Variants in TBC1D5 observed in about 807,000 individuals in gnomAD.
TBC1D5 encodes the protein TBC1 domain family member 5.
TBC1D5 carries 75 observed loss-of-function variants against 100.3 expected under a neutral mutation model. The observed-to-expected ratio is 0.75, with a 90% CI of 0.62 to 0.91. The LOEUF (loss-of-function observed/expected upper bound fraction) is 0.91. Among genes scored for constraint, TBC1D5 ranks in the 40% least tolerant of loss-of-function variants. TBC1D5 has a pLI of 0.00. For missense variants in TBC1D5, 910 were observed against 942.4 expected, an observed-to-expected ratio of 0.97 and a Z score of 0.45; for synonymous variants, 323 against 325.6, an observed-to-expected ratio of 0.99 and a Z score of 0.09.
At chr3:17,254,727 G>C (rs996465767) in intron 16 of TBC1D5, among the ~76,000 whole-genome samples, 1 of 129,304 alleles carries the variant, frequency 7.7e-6, no homozygotes, top group Non-Finnish European at 1.6e-5. Context: ...TCCCGTATAA[G>C]AAATCTTTGC....
intron 4 of TBC1D5, among the ~76,000 whole-genome samples, chr3:17,406,871 G>C (rs1205282689): frequency 6.6e-6 from 1 of 151,900 alleles, no homozygotes; most frequent in Admixed American, 6.6e-5. Flanking sequence ...AAACATACCT[G>C]CTCCAAAAAT....
At chr3:17,313,297 T>C (rs1345384093) in intron 13 of TBC1D5, among the ~76,000 whole-genome samples, 1 of 152,314 alleles carries the variant, frequency 6.6e-6, no homozygotes, top group East Asian at 1.9e-4. Context: ...GCCACTGCTG[T>C]GTATGAATTA....
At chr3:17,379,986 AACTAC>A (rs2092870402) in intron 9 of TBC1D5, among the ~76,000 whole-genome samples, 2 of 151,594 alleles carry the variant, frequency 1.3e-5, no homozygotes, top group Admixed American at 1.3e-4. Flanking sequence ...GGTAAGGGCG[AACTAC>A]TGTACTGTAC....
chr3:17,420,282 G>A (rs779907296), intron 4 of TBC1D5, among the ~76,000 whole-genome samples: 5 of 151,490 alleles, frequency 3.3e-5, no homozygotes, highest in Non-Finnish European at 7.4e-5. Flanking sequence ...AAATAAAATG[G>A]GGAAATATAA....
intron 4 of TBC1D5, among the ~76,000 whole-genome samples, chr3:17,424,156 A>G (rs1332663095): frequency 6.6e-6 from 1 of 152,226 alleles, no homozygotes; most frequent in Middle Eastern, 3.2e-3. Context: ...TAATAAAACA[A>G]AAGTTTTTAA....
intron 16 of TBC1D5, among the ~76,000 whole-genome samples, chr3:17,239,661 C>G (rs1559471408): frequency 6.6e-6 from 1 of 152,022 alleles, no homozygotes; most frequent in Non-Finnish European, 1.5e-5. Flanking sequence ...CAGCAGCTAT[C>G]AACTCTCTTA....
At chr3:17,272,633 A>G (rs1215355296) in intron 15 of TBC1D5, among the ~76,000 whole-genome samples, 2 of 152,216 alleles carry the variant, frequency 1.3e-5, no homozygotes, top group Non-Finnish European at 2.9e-5. Flanking sequence ...TAGTTTGGCC[A>G]AAGTTATATG....
intron 9 of TBC1D5, among the ~76,000 whole-genome samples, chr3:17,378,266 T>C (rs1239950400): frequency 1.3e-5 from 2 of 151,864 alleles, no homozygotes; most frequent in Non-Finnish European, 2.9e-5. Context: ...GGAAGTAGAA[T>C]TTCAGGGTAA....
intron 1 of TBC1D5, among the ~76,000 whole-genome samples, chr3:17,736,892 A>AG (rs2077003203): frequency 6.6e-6 from 1 of 152,182 alleles, no homozygotes; most frequent in Admixed American, 6.5e-5. Context: ...ATGTACCTAT[A>AG]GTCCCAGCCA....
intron 19 of TBC1D5, among the ~76,000 whole-genome samples, chr3:17,177,251 T>C (rs1349471718): frequency 6.6e-6 from 1 of 152,204 alleles, no homozygotes; most frequent in African/African-American, 2.4e-5. Context: ...ATTGGAGTGG[T>C]GGCATCCTGG....
intron 2 of TBC1D5, among the ~76,000 whole-genome samples, chr3:17,590,123 A>G (rs555340206): frequency 3.3e-5 from 5 of 152,316 alleles, no homozygotes; most frequent in African/African-American, 1.2e-4. Flanking sequence ...CGGGCCCCAG[A>G]GGTGAGGTTG....
intron 13 of TBC1D5, among the ~76,000 whole-genome samples, chr3:17,352,871 A>G (rs1026657107): frequency 2.6e-5 from 4 of 152,050 alleles, no homozygotes; most frequent in African/African-American, 9.7e-5. Flanking sequence ...CTGAGAGCTA[A>G]TACCACTCAA....
At chr3:17,515,647 C>T (rs1170056432) in intron 2 of TBC1D5, among the ~76,000 whole-genome samples, 2 of 152,132 alleles carry the variant, frequency 1.3e-5, no homozygotes, top group Admixed American at 6.5e-5. Flanking sequence ...AGGGTAGTTT[C>T]CTTTGTTATG....
At chr3:17,227,177 G>T (rs2074981975) in intron 17 of TBC1D5, among the ~76,000 whole-genome samples, 1 of 152,140 alleles carries the variant, frequency 6.6e-6, no homozygotes, top group Non-Finnish European at 1.5e-5. Flanking sequence ...GTCCAATCTT[G>T]TCTCAGACAA....
At chr3:17,622,426 T>C (rs1488015157) in intron 2 of TBC1D5, among the ~76,000 whole-genome samples, 2 of 152,214 alleles carry the variant, frequency 1.3e-5, no homozygotes, top group East Asian at 1.9e-4. Flanking sequence ...ATCAGTACCA[T>C]TTATGCGTAG....
chr3:17,666,974 C>G (rs2067335515), intron 1 of TBC1D5, among the ~76,000 whole-genome samples: 2 of 151,828 alleles, frequency 1.3e-5, no homozygotes, highest in Non-Finnish European at 2.9e-5. Context: ...ATTCACTCAA[C>G]AGTTAGTGAA....
intron 8 of TBC1D5, among the ~76,000 whole-genome samples, chr3:17,389,393 T>C (rs2093279809): frequency 6.6e-6 from 1 of 152,158 alleles, no homozygotes; most frequent in Non-Finnish European, 1.5e-5. Flanking sequence ...CCTTTGAGTA[T>C]GTGCTGCCCT....
intron 1 of TBC1D5, among the ~76,000 whole-genome samples, chr3:17,711,825 T>A (rs1020160553): frequency 1.3e-5 from 2 of 152,206 alleles, no homozygotes; most frequent in Admixed American, 1.3e-4. Flanking sequence ...GAAGTATTCT[T>A]GAACATATCT....
At chr3:17,708,398 T>TC (rs1387221593) in intron 1 of TBC1D5, among the ~76,000 whole-genome samples, 1 of 152,260 alleles carries the variant, frequency 6.6e-6, no homozygotes, top group Non-Finnish European at 1.5e-5. Context: ...TTCTAATTTT[T>TC]CACAATGTCA....
Sources: gnomAD v4.1 joint callset for allele counts (sites outside exome capture counted in the v4.1 genomes callset) on GRCh38, gnomAD v4.1.1 for gene constraint, MANE v1.5 for transcripts, NCBI Gene and HGNC (gene_info 2026-07-23, HGNC 2026-07-21) for gene names.